Variants in TMEM156 observed in about 807,000 individuals in gnomAD.
TMEM156 encodes the protein transmembrane protein 156.
In TMEM156, 28 loss-of-function variants were observed where a neutral mutation model predicts 30.5. The ratio of observed to expected loss-of-function variants is 0.92; its 90% CI spans 0.68 to 1.26. The LOEUF is 1.26. TMEM156 is among the 50% of genes most tolerant of loss of function. TMEM156 has a pLI of 0.00. For synonymous variants in TMEM156, 137 were observed against 119.9 expected, an observed-to-expected ratio of 1.14 and a Z score of -0.93; for missense variants, 351 against 340.6, an observed-to-expected ratio of 1.03 and a Z score of -0.24.
chr4:38,968,499 G>A (rs546263218), intron 6 of TMEM156, among the ~76,000 whole-genome samples: 138 of 152,264 alleles, frequency 9.1e-4, no homozygotes, highest in African/African-American at 3.1e-3. Context: ...TTTTGCCAAT[G>A]AGTAGGATTC....
chr4:39,024,912 T>G (rs965247019), intron 1 of TMEM156, among the ~76,000 whole-genome samples: 1 of 152,220 alleles, frequency 6.6e-6, no homozygotes, highest in Non-Finnish European at 1.5e-5. Context: ...TCTTTCACAT[T>G]ATTAGTTATT....
chr4:38,995,389 C>G (rs1040656491), intron 2 of TMEM156, among the ~76,000 whole-genome samples: 2 of 152,174 alleles, frequency 1.3e-5, no homozygotes, highest in African/African-American at 4.8e-5. Context: ...ATTCCTTTCC[C>G]CTTGAATCTG....
intron 1 of TMEM156, among the ~76,000 whole-genome samples, chr4:39,025,501 A>G (rs1577590332): frequency 6.6e-6 from 1 of 152,274 alleles, no homozygotes; most frequent in African/African-American, 2.4e-5. Context: ...CATATTGTGT[A>G]TGGGTGATAT....
intron 5 of TMEM156, among the ~76,000 whole-genome samples, chr4:38,982,738 C>T (rs947231777): frequency 2.7e-4 from 41 of 152,090 alleles, no homozygotes; most frequent in African/African-American, 9.9e-4. Context: ...TCTAGAGAAC[C>T]CTGACTAATC....
At chr4:38,970,934 C>T in intron 6 of TMEM156, 98 bp downstream of exon 6, 1 of 723,868 alleles carries the variant, frequency 1.4e-6, no homozygotes, top group Non-Finnish European at 2.3e-6. Flanking sequence ...CATTTTCTAC[C>T]TCCTACCAGA....
In TMEM156 at chr4:39,008,147, C is replaced by T. The variant is rs184942443; in HGVS notation, c.89-9238G>A. On this transcript the variant is annotated intron_variant, in intron 1 of 6. Coordinates refer to ENST00000381938, the MANE Select transcript of TMEM156 (RefSeq NM_024943.3). ...ACTTGTCTTACTGCAATGTCAAGGA[C>T]GTTCAGTACCATGTTGAATAGAAAT... is the stretch of plus-strand genomic sequence containing the variant. 2.4e-4 allele frequency among the ~76,000 whole-genome samples: 36 copies of T among 152,228 alleles called. No individual in the cohort carries two copies. In the East Asian group the frequency reaches 5.4e-3, roughly 23 times the overall value.
At chr4:39,003,784 A>T (rs906539699) in intron 1 of TMEM156, among the ~76,000 whole-genome samples, 1 of 152,052 alleles carries the variant, frequency 6.6e-6, no homozygotes, top group Admixed American at 6.6e-5. Context: ...CCATCTTTCC[A>T]TTTTCCTCAC....
intron 1 of TMEM156, among the ~76,000 whole-genome samples, chr4:39,014,445 T>C (rs1714344141): frequency 6.6e-6 from 1 of 152,118 alleles, no homozygotes; most frequent in African/African-American, 2.4e-5. Context: ...CTGATGTTGC[T>C]TTTGTCACAT....
At chr4:39,016,034 T>G (rs1714458662) in intron 1 of TMEM156, among the ~76,000 whole-genome samples, 1 of 152,308 alleles carries the variant, frequency 6.6e-6, no homozygotes, top group Non-Finnish European at 1.5e-5. Context: ...ACTAATACAT[T>G]AACATATGAA....
At chr4:38,984,685 A>G (rs28658870) in intron 5 of TMEM156, among the ~76,000 whole-genome samples, 1,606 of 152,280 alleles carry the variant, frequency 0.011, 33 homozygotes, top group African/African-American at 0.036. Flanking sequence ...ATAGGGAAGG[A>G]AAAGATTGCA....
rs922276705 is a variant in TMEM156, at chr4:39,003,586, G to A, written c.89-4677C>T. Among the ~76,000 whole-genome samples the A allele has an allele frequency of 2.6e-5, 4 of 151,942 alleles. No individual in the cohort carries two copies. In the South Asian group the frequency reaches 6.2e-4, roughly 24 times the overall value. On this transcript the variant is annotated intron_variant, in intron 1 of 6. Transcript: ENST00000381938. The stretch of plus-strand genomic sequence containing the variant: ...CGACCTCAGGTGATCCGCCCACCTC[G>A]GCCTCCCAAAGTGCTGGGATCTTAA...
intron 2 of TMEM156, among the ~76,000 whole-genome samples, chr4:38,996,252 C>T (rs1189128981): frequency 7.6e-6 from 1 of 132,300 alleles, no homozygotes; most frequent in Non-Finnish European, 1.6e-5. Context: ...GTCAGGATGA[C>T]CATTACTAAG....
In TMEM156 at chr4:38,967,126, G is replaced by A. The variant is rs1169818129; in HGVS notation, c.*554C>T. The stretch of plus-strand genomic sequence containing the variant: ...CTTTGAATTTTTTTAAAAACATCCT[G>A]GTGCTAAAAGGCAGCAAGATTCATA... On this transcript the variant is annotated 3_prime_UTR_variant, in exon 7 of 7. Transcript: ENST00000381938. 1 of 151,888 alleles carries A rather than the reference G, an allele frequency of 6.6e-6. No individual in the cohort carries two copies. The highest frequency in any genetic ancestry group is 2.1e-4 in the South Asian group (1 of 4,808). The allele number at this position is 151,888 out of a possible 1,614,324, so 9.4% of individuals were successfully genotyped here.
chr4:39,017,299 C>T (rs190632896), intron 1 of TMEM156, among the ~76,000 whole-genome samples: 2,118 of 149,802 alleles, frequency 0.014, 53 homozygotes, highest in African/African-American at 0.049. Flanking sequence ...CTCAGCCTCC[C>T]GAGTAGCTGG....
chr4:38,984,743 T>G (rs1711845271), intron 5 of TMEM156, among the ~76,000 whole-genome samples: 1 of 152,190 alleles, frequency 6.6e-6, no homozygotes, highest in Admixed American at 6.5e-5. Flanking sequence ...TCTTTCTCTC[T>G]TTAAGACGCT....
intron 1 of TMEM156, among the ~76,000 whole-genome samples, chr4:39,014,415 A>T (rs1361171951): frequency 6.6e-6 from 1 of 152,160 alleles, no homozygotes; most frequent in Non-Finnish European, 1.5e-5. Flanking sequence ...CAGTTTCTGT[A>T]GATAGAATCA....
At position 38,992,764 on chromosome 4, in the gene TMEM156, T is replaced by TA. The variant is rs1560367278; in HGVS notation, c.619+973_619+974insT. 7.9e-3 allele frequency among the ~76,000 whole-genome samples: 630 copies of TA among 79,544 alleles called. 7 individuals are homozygous for TA. Among genetic ancestry groups the TA allele is most frequent in the African/African-American group, 0.026 (591 of 22,938 alleles). The allele number at this position is 79,544 out of a possible 152,430, so 52.2% of individuals were successfully genotyped here. A position where few individuals can be genotyped will look rare whatever the true frequency, so the allele number is the denominator to read the frequency against. Reference sequence around the variant, plus strand: ...TATAATATATTATATATATATATATTTTTTTTTGTCTTTTCAAGACAGAGT... The same window carrying TA: ...TATAATATATTATATATATATATATTATTTTTTTGTCTTTTCAAGACAGAGT... On this transcript the variant is annotated intron_variant, in intron 3 of 6. Transcript: ENST00000381938.
intron 5 of TMEM156, among the ~76,000 whole-genome samples, chr4:38,982,078 A>G (rs2109897021): frequency 1.3e-5 from 2 of 152,342 alleles, no homozygotes; most frequent in East Asian, 1.9e-4. Context: ...CCTGCCCTCA[A>G]TCTGAGTGGG....
chr4:38,976,288 TCAAA>T (rs1722846417), intron 5 of TMEM156, among the ~76,000 whole-genome samples: 1 of 49,404 alleles, frequency 2.0e-5, no homozygotes. Flanking sequence ...AGACTCCGTC[TCAAA>T]AAAAAAAAAA....
Sources: gnomAD v4.1 joint callset for allele counts (sites outside exome capture counted in the v4.1 genomes callset) on GRCh38, gnomAD v4.1.1 for gene constraint, MANE v1.5 for transcripts, NCBI Gene and HGNC (gene_info 2026-07-23, HGNC 2026-07-21) for gene names.